Variants in CLCN6 observed in about 807,000 individuals in gnomAD.
The protein encoded by CLCN6 is H(+)/Cl(-) exchange transporter 6.
Under a neutral mutation model 109.8 loss-of-function variants are expected in CLCN6, and 70 were observed. The ratio of observed to expected loss-of-function variants is 0.64; its 90% confidence interval spans 0.53 to 0.78. CLCN6 has a LOEUF of 0.78. CLCN6 is among the 30% of genes least tolerant of loss of function. CLCN6 has a pLI of 0.00. For synonymous variants in CLCN6, 444 were observed against 447.8 expected (o/e 0.99, Z 0.11); for missense variants, 984 against 1,142.3 (o/e 0.86, Z 2.00).
intron 13 of CLCN6, among the ~76,000 whole-genome samples, chr1:11,830,737 T>TCATATATATATATATATA: frequency 1.1e-5 from 1 of 91,126 alleles, no homozygotes; most frequent in Admixed American, 9.9e-5. Context: ...TATGTATATA[T>TCATATATATATATATATA]TATATATATA....
At chr1:11,830,859 A>AGTCTTAC (rs1354006978) in intron 13 of CLCN6, among the ~76,000 whole-genome samples, 2 of 150,280 alleles carry the variant, frequency 1.3e-5, no homozygotes, top group Non-Finnish European at 3.0e-5. Flanking sequence ...TTTAAGACGG[A>AGTCTTAC]GTCTTACTCT....
At chr1:11,813,000 C>T (rs569846837) in intron 2 of CLCN6, among the ~76,000 whole-genome samples, 76 of 152,276 alleles carry the variant, frequency 5.0e-4, no homozygotes, top group Middle Eastern at 3.4e-3. Context: ...TTCACTGTCC[C>T]ATACAATTTC....
intron 1 of CLCN6, 35 bp downstream of exon 1, chr1:11,806,384 C>T (rs758081891): frequency 2.7e-6 from 4 of 1,466,474 alleles, no homozygotes; most frequent in South Asian, 1.4e-5. Context: ...GGGGAGGGGG[C>T]GGTTGCTAAG....
intron 2 of CLCN6, among the ~76,000 whole-genome samples, chr1:11,809,118 C>G (rs746681290): frequency 1.8e-4 from 27 of 152,058 alleles, no homozygotes; most frequent in Non-Finnish European, 3.7e-4. Flanking sequence ...TTCGGTCTCC[C>G]AGAGTGCTGG....
chr1:11,831,423 A>G (rs112859107), intron 13 of CLCN6, among the ~76,000 whole-genome samples: 6,308 of 146,946 alleles, frequency 0.043, 164 homozygotes, highest in Middle Eastern at 0.086. Flanking sequence ...CCAAAGTGCT[A>G]GGATTGCAGG....
chr1:11,840,439 C>G lies in CLCN6; in HGVS notation c.*216C>G. On this transcript the variant is annotated 3_prime_UTR_variant, in exon 23 of 23. Transcript: ENST00000346436. ...CTTTTCTGACTTCCCCAGCAAGGAT[C>G]TTCCCACTTCCTGCTCCCTGTGTTC... 1.7e-6 allele frequency: 1 copy of G among 599,728 alleles called. No individual in the cohort carries two copies. The highest frequency in any genetic ancestry group is 3.0e-6 in the Non-Finnish European group (1 of 332,724). The allele number at this position is 599,728 out of a possible 1,614,324, so 37.2% of individuals were successfully genotyped here.
At chr1:11,829,404 A>C (rs1195493803) in intron 13 of CLCN6, 82 bp downstream of exon 13, 1 of 1,528,088 alleles carries the variant, frequency 6.5e-7, no homozygotes, top group Non-Finnish European at 9.0e-7. Context: ...GTTGAGAACT[A>C]ATAGATATGT....
chr1:11,817,323 A>G (rs1463186572), intron 4 of CLCN6, among the ~76,000 whole-genome samples: 1 of 152,238 alleles, frequency 6.6e-6, no homozygotes, highest in Non-Finnish European at 1.5e-5. Flanking sequence ...ACAGCGTGCC[A>G]GTGAACAGGG....
At chr1:11,818,104 TA>T (rs202071545) in intron 4 of CLCN6, among the ~76,000 whole-genome samples, 8 of 149,486 alleles carry the variant, frequency 5.4e-5, no homozygotes, top group African/African-American at 1.7e-4. Flanking sequence ...TCCTTAAAAA[TA>T]AAAAAAAAAT....
rs374436040 is a variant in CLCN6, at chr1:11,822,705, G to C, written c.357G>C (p.Glu119Asp). Residue 119 changes from glutamate (E) to aspartate (D), a missense_variant, in exon 6 of 23, where the codon GAG becomes GAC. By Grantham distance (45) the Glu-to-Asp change is conservative (BLOSUM62 2). Transcript: ENST00000346436. ...ACCCAGTTTCCGCAGCGGTGGAGGA[G>C]TGCAGCCAGAAAGGCTGCCTCGCTC... ...KFGVVQTSVE[E>D]CSQKGCLALS... The C allele has an allele frequency of 8.1e-6, 13 of 1,610,860 alleles. No homozygotes were observed. The South Asian group carries it at 9.9e-5, about 12-fold the overall frequency.
chr1:11,836,137 A>C lies in CLCN6; in HGVS notation c.1964A>C (p.Asn655Thr), dbSNP rs1570541081. The C allele has an allele frequency of 1.9e-6, 3 of 1,613,076 alleles. No individual in the cohort carries two copies. The highest frequency in any genetic ancestry group is 2.5e-6 in the Non-Finnish European group (3 of 1,179,726). The stretch of plus-strand genomic sequence containing the variant: ...ATGAAGGGCAACCAGCTCATCAGCA[A>C]CAACATCAAGTTCAAGGTAAAGAAA... ...EFMKGNQLIS[N>T]NIKFKKSSIL... is the part of the protein sequence containing the mutation. Residue 655 changes from asparagine to threonine, a missense_variant, in exon 18 of 23, where the codon AAC (asparagine) becomes ACC (threonine). Physicochemically the swap from Asn to Thr is moderately conservative, Grantham distance 65 (BLOSUM62 0). Transcript: ENST00000346436.
intron 13 of CLCN6, 44 bp from the exon 14 acceptor site, chr1:11,833,469 CAA>C (rs749840750): frequency 6.2e-7 from 1 of 1,604,478 alleles, no homozygotes; most frequent in Non-Finnish European, 8.5e-7. Flanking sequence ...CTTGAAGACT[CAA>C]AGTCAGGTGT....
chr1:11,837,662 A>C (rs575551789), intron 20 of CLCN6, among the ~76,000 whole-genome samples, 163 bp downstream of exon 20: 162 of 152,244 alleles, frequency 1.1e-3, no homozygotes, highest in African/African-American at 3.7e-3. Flanking sequence ...GGTGGTGAGA[A>C]GCAACAGCGG....
intron 4 of CLCN6, among the ~76,000 whole-genome samples, 156 bp downstream of exon 4, chr1:11,816,836 C>G (rs1405519646): frequency 1.4e-5 from 2 of 147,748 alleles, no homozygotes; most frequent in Non-Finnish European, 3.0e-5. Context: ...AGTGCCTTTT[C>G]TTTTTTCCCT....
rs1298823825 is a variant in CLCN6 at position 11,823,694 on chromosome 1, T to C, written c.454-13T>C. 1 of 1,614,038 alleles carries C rather than the reference T, an allele frequency of 6.2e-7. No homozygotes were observed. The highest frequency in any genetic ancestry group is 2.2e-5 in the East Asian group (1 of 44,876). ...GATTTCGAGTTATGGGTGTGCCTGCTCTCCTCCATCAGCCGGTGGCAGCAG... is the reference window on the plus strand; with the variant it reads ...GATTTCGAGTTATGGGTGTGCCTGCCCTCCTCCATCAGCCGGTGGCAGCAG... On this transcript the variant is annotated splice_polypyrimidine_tract_variant and intron_variant, in intron 6 of 22. Coordinates refer to ENST00000346436, the MANE Select transcript of CLCN6 (RefSeq NM_001286.5).
chr1:11,814,764 G>A (rs1050448240), intron 2 of CLCN6, among the ~76,000 whole-genome samples: 11 of 151,998 alleles, frequency 7.2e-5, no homozygotes, highest in Non-Finnish European at 1.0e-4. Context: ...CAGGCGCAGT[G>A]GCTCATGCCT....
At chr1:11,824,392 C>T (rs1570528127) in intron 7 of CLCN6, 94 bp from the exon 8 acceptor site, 1 of 895,602 alleles carries the variant, frequency 1.1e-6, no homozygotes, top group Non-Finnish European at 1.8e-6. Context: ...CATCTCTGTT[C>T]AGTTGTCACG....
At chr1:11,829,933 C>T (rs1644859309) in intron 13 of CLCN6, 1 of 154,100 alleles carries the variant, frequency 6.5e-6, no homozygotes, top group South Asian at 2.0e-4. Flanking sequence ...AGCCCAGAGG[C>T]TCAGCACCCA....
chr1:11,827,727 C>A (rs1190441023), intron 10 of CLCN6, among the ~76,000 whole-genome samples: 5 of 152,154 alleles, frequency 3.3e-5, no homozygotes, highest in Non-Finnish European at 7.3e-5. Context: ...TCTTGATGAA[C>A]CACCTGACAT....
Sources: gnomAD v4.1 joint callset for allele counts (sites outside exome capture counted in the v4.1 genomes callset) on GRCh38, gnomAD v4.1.1 for gene constraint, MANE v1.5 for transcripts, NCBI Gene and HGNC (gene_info 2026-07-23, HGNC 2026-07-21) for gene names.